The following CDH4 variants were observed in gnomAD, a reference collection of about 807,000 sequenced individuals.
CDH4 encodes the protein cadherin-4.
In CDH4, 33 loss-of-function variants were observed where a neutral mutation model predicts 86.0. The observed-to-expected ratio is 0.38, with a 90% CI of 0.29 to 0.51. The LOEUF (loss-of-function observed/expected upper bound fraction) is 0.51, where lower values mean the gene tolerates loss of function less well. Ranked by LOEUF, CDH4 falls within the 20% of genes least tolerant of loss-of-function variation. The probability of loss-of-function intolerance (pLI) is 0.86; values close to 1 mark genes in which losing one functional copy is unlikely to be tolerated. For missense variants in CDH4, 1,114 were observed against 1,307.4 expected, an observed-to-expected ratio of 0.85 and a Z score of 2.28; for synonymous variants, 555 against 549.4, an observed-to-expected ratio of 1.01 and a Z score of -0.14.
rs542844361 is a variant in CDH4 at position 61,883,654 on chromosome 20, G to C, written c.1050+9754G>C. Reference sequence around the variant, plus strand: ...CTCAGGCACGTGGCCCTCCACAGTCGGGTGTGACTGCCCGGCCCCTGGAGA... The same window carrying C: ...CTCAGGCACGTGGCCCTCCACAGTCCGGTGTGACTGCCCGGCCCCTGGAGA... On this transcript the variant is annotated intron_variant, in intron 7 of 15. Coordinates refer to ENST00000614565, the MANE Select transcript of CDH4 (RefSeq NM_001794.5). Among the ~76,000 whole-genome samples the C allele has an allele frequency of 3.3e-5, 5 of 152,322 alleles. No individual in the cohort carries two copies. In the East Asian group the frequency reaches 9.7e-4, roughly 29 times the overall value.
intron 2 of CDH4, among the ~76,000 whole-genome samples, chr20:61,584,322 G>A (rs1244715488): frequency 3.3e-5 from 5 of 152,062 alleles, no homozygotes; most frequent in African/African-American, 7.2e-5. Context: ...CAGCATCGTC[G>A]ACCCCTGCAG....
rs2087857906 is a variant in CDH4, at chr20:61,708,595, G to A, written c.170-34968G>A. ...CCAGCCCTGCTCCCTCCAGCCTCATGCCCCTTGTAGACCCTCTCCACCCTC... is the reference window on the plus strand; with the variant it reads ...CCAGCCCTGCTCCCTCCAGCCTCATACCCCTTGTAGACCCTCTCCACCCTC... On this transcript the variant is annotated intron_variant, in intron 2 of 15. Coordinates refer to ENST00000614565, the MANE Select transcript of CDH4 (RefSeq NM_001794.5). The surrounding 1 kb of genome is among the most constrained non-coding windows in gnomAD (Gnocchi z 4.5). Among the ~76,000 whole-genome samples, 1 of 152,002 alleles carries A rather than the reference G, an allele frequency of 6.6e-6. No individual in the cohort carries two copies. The highest frequency in any genetic ancestry group is 1.5e-5 in the Non-Finnish European group (1 of 68,010).
chr20:61,905,275 G>A (rs1457521128), intron 8 of CDH4, among the ~76,000 whole-genome samples: 1 of 152,202 alleles, frequency 6.6e-6, no homozygotes, highest in South Asian at 2.1e-4. Flanking sequence ...ATCAGCTAAG[G>A]CCTTCTTTGT....
chr20:61,890,125 T>C, intron 7 of CDH4, among the ~76,000 whole-genome samples: 1 of 144,886 alleles, frequency 6.9e-6, no homozygotes, highest in South Asian at 2.2e-4. Flanking sequence ...GCATCATGGA[T>C]GGGTGAGTGG....
chr20:61,576,511 G>A (rs567654687), intron 2 of CDH4, among the ~76,000 whole-genome samples: 4 of 152,274 alleles, frequency 2.6e-5, no homozygotes, highest in African/African-American at 9.6e-5. Flanking sequence ...CTTGGAGTAG[G>A]AGTAGGCTGG....
chr20:61,602,316 G>GA (rs1409562057), intron 2 of CDH4, among the ~76,000 whole-genome samples: 2 of 152,154 alleles, frequency 1.3e-5, no homozygotes, highest in African/African-American at 4.8e-5. Flanking sequence ...CAGTAGGGTG[G>GA]AAAATGAGAG....
intron 8 of CDH4, among the ~76,000 whole-genome samples, chr20:61,898,017 GTGGCTTTTCCAGGTGAC>G (rs1985213360): frequency 1.3e-5 from 2 of 152,210 alleles, no homozygotes; most frequent in Admixed American, 6.5e-5. Context: ...CCACCCTGCG[GTGGCTTTTCCAGGTGAC>G]TGGGTCGCAT....
chr20:61,737,805 T>A (rs1329433111), intron 2 of CDH4, among the ~76,000 whole-genome samples: 1 of 152,012 alleles, frequency 6.6e-6, no homozygotes, highest in Non-Finnish European at 1.5e-5. Flanking sequence ...CCTCCCCGAG[T>A]CCCTGCCATC....
rs371636282 is a variant in CDH4, at chr20:61,785,885, G to C, written c.576+12703G>C. ...CTTCAGAGCCAGGGAGCGTGCGAGC[G>C]AGTGGAGAATGAGGTAGGTTTCTTT... On this transcript the variant is annotated intron_variant, in intron 4 of 15. Coordinates refer to ENST00000614565, the MANE Select transcript of CDH4 (RefSeq NM_001794.5). Among the ~76,000 whole-genome samples the C allele has an allele frequency of 7.0e-4, 106 of 152,324 alleles. 1 individual carries two copies. In the South Asian group the frequency reaches 0.022, roughly 31 times the overall value.
At chr20:61,720,472 G>A (rs1191723633) in intron 2 of CDH4, among the ~76,000 whole-genome samples, 2 of 149,732 alleles carry the variant, frequency 1.3e-5, no homozygotes, top group Admixed American at 6.6e-5. Context: ...GTGAAGGGGT[G>A]GAGAATGCAG....
At chr20:61,669,695 G>C (rs547008619) in intron 2 of CDH4, among the ~76,000 whole-genome samples, 37 of 152,274 alleles carry the variant, frequency 2.4e-4, no homozygotes, top group African/African-American at 8.4e-4. Flanking sequence ...TTCTTTAAAT[G>C]CTCTTCCTTT....
chr20:61,590,753 G>A (rs771842049), intron 2 of CDH4, among the ~76,000 whole-genome samples: 1 of 152,108 alleles, frequency 6.6e-6, no homozygotes. Context: ...CTTCACCTTC[G>A]TGATGGTGTT....
At chr20:61,736,002 T>C (rs536756382) in intron 2 of CDH4, among the ~76,000 whole-genome samples, 1 of 152,104 alleles carries the variant, frequency 6.6e-6, no homozygotes, top group African/African-American at 2.4e-5. Context: ...AAAGGGGGTG[T>C]CTGGGTGTGG....
chr20:61,900,746 G>A (rs1985357645), intron 8 of CDH4, among the ~76,000 whole-genome samples: 1 of 152,176 alleles, frequency 6.6e-6, no homozygotes, highest in South Asian at 2.1e-4. Context: ...CCAGGGGTTG[G>A]GGGTGGGCGC....
chr20:61,380,686 T>A (rs2084895896), intron 2 of CDH4, among the ~76,000 whole-genome samples: 1 of 152,232 alleles, frequency 6.6e-6, no homozygotes, highest in Non-Finnish European at 1.5e-5. Flanking sequence ...GATATGCATT[T>A]TAAAGACCAT....
At chr20:61,661,824 G>T (rs182872279) in intron 2 of CDH4, among the ~76,000 whole-genome samples, 1 of 152,064 alleles carries the variant, frequency 6.6e-6, no homozygotes, top group Non-Finnish European at 1.5e-5. Context: ...CAGGTCTCTG[G>T]CAGGTGCGGA....
chr20:61,834,895 C>G (rs1275143671), intron 4 of CDH4, among the ~76,000 whole-genome samples: 1 of 152,222 alleles, frequency 6.6e-6, no homozygotes, highest in Non-Finnish European at 1.5e-5. Flanking sequence ...CAAGGAGCTC[C>G]TTGGACGCCT....
At position 61,681,745 on chromosome 20, in the gene CDH4, C is replaced by T. The variant is rs1464380845; in HGVS notation, c.170-61818C>T. Among the ~76,000 whole-genome samples, 1 of 152,212 alleles carries T rather than the reference C, an allele frequency of 6.6e-6. No individual in the cohort carries two copies. The highest frequency in any genetic ancestry group is 1.5e-5 in the Non-Finnish European group (1 of 68,032). On this transcript the variant is annotated intron_variant, in intron 2 of 15. Coordinates refer to ENST00000614565, the MANE Select transcript of CDH4 (RefSeq NM_001794.5). The surrounding 1 kb of genome is among the most constrained non-coding windows in gnomAD (Gnocchi z 4.5). ...CATGTGGAGCTGCCACCCTAGAAAG[C>T]CCTGCGTCGGTGTTGCTGTGTTCTC...
chr20:61,703,687 A>T lies in CDH4; in HGVS notation c.170-39876A>T, dbSNP rs921783734. On this transcript the variant is annotated intron_variant, in intron 2 of 15. Transcript: ENST00000614565. The surrounding 1 kb of genome is among the most constrained non-coding windows in gnomAD (Gnocchi z 4.3). ...GCCATACAAGAGCTGTCCATGTCTC[A>T]TCTGGGCCCTGGTGATGAGGTGGCT... is the stretch of plus-strand genomic sequence containing the variant. Among the ~76,000 whole-genome samples, 10 of 152,316 alleles carry T rather than the reference A, an allele frequency of 6.6e-5. No individual in the cohort carries two copies. Among genetic ancestry groups the T allele is most frequent in the South Asian group, 2.1e-4 (1 of 4,828 alleles).
Sources: allele counts gnomAD v4.1 joint callset (sites outside exome capture counted in the v4.1 genomes callset), GRCh38; gene constraint gnomAD v4.1.1; non-coding constraint Gnocchi (gnomAD v3.1); transcripts MANE v1.5; gene names NCBI Gene and HGNC (gene_info 2026-07-23, HGNC 2026-07-21).